The following SLC39A12 variants were observed in gnomAD, a reference collection of about 807,000 sequenced individuals.
The protein encoded by SLC39A12 is solute carrier family 39 member 12.
A neutral mutation model predicts 71.1 loss-of-function variants in SLC39A12; 63 were observed. The ratio of observed to expected loss-of-function variants is 0.89; its 90% confidence interval spans 0.72 to 1.09. The LOEUF is 1.09. Ranked by LOEUF, SLC39A12 falls within the 50% of genes least tolerant of loss-of-function variation. The pLI, the probability that SLC39A12 is intolerant of heterozygous loss-of-function variation, is 0.00. For synonymous variants in SLC39A12, 351 were observed against 301.3 expected (o/e 1.16, Z -1.71); for missense variants, 892 against 812.6 (o/e 1.10, Z -1.19).
At chr10:18,041,710 T>C (rs1837244996) in intron 12 of SLC39A12, among the ~76,000 whole-genome samples, 1 of 108,746 alleles carries the variant, frequency 9.2e-6, no homozygotes, top group Non-Finnish European at 1.8e-5. Flanking sequence ...TATATATGTA[T>C]ATACATATGT....
intron 12 of SLC39A12, chr10:18,005,642 G>A (rs1835993081): frequency 6.6e-6 from 1 of 152,176 alleles, no homozygotes; most frequent in Admixed American, 6.5e-5. Flanking sequence ...GACGGGGGAA[G>A]GTTATCAAGA....
chr10:18,042,891 C>A lies in SLC39A12; in HGVS notation c.*58C>A. The A allele has an allele frequency of 6.9e-7, 1 of 1,445,864 alleles. No individual in the cohort carries two copies. Among genetic ancestry groups the A allele is most frequent in the East Asian group, 2.4e-5 (1 of 41,406 alleles). 89.6% of individuals were successfully genotyped at this position (1,445,864 alleles called of 1,614,324 possible). On this transcript the variant is annotated 3_prime_UTR_variant, in exon 13 of 13. Transcript: ENST00000377369. ...TTATATAGTCTTACTTTGTTTCTTT[C>A]ATTGCACTCTATAATGATTTTTAAA...
At chr10:17,983,774 T>TC (rs1835332502) in intron 6 of SLC39A12, among the ~76,000 whole-genome samples, 1 of 152,028 alleles carries the variant, frequency 6.6e-6, no homozygotes, top group East Asian at 1.9e-4. Context: ...AGGGAGAGAC[T>TC]CCATCTCAAA....
chr10:17,969,161 T>A (rs1479499228), intron 4 of SLC39A12, among the ~76,000 whole-genome samples: 1 of 152,266 alleles, frequency 6.6e-6, no homozygotes, highest in African/African-American at 2.4e-5. Flanking sequence ...ATTGTGTATA[T>A]GTACCACATT....
intron 11 of SLC39A12, 121 bp downstream of exon 11, chr10:18,000,946 A>T: frequency 2.0e-6 from 2 of 985,964 alleles, no homozygotes; most frequent in Admixed American, 5.9e-5. Flanking sequence ...CTTTCCTTTT[A>T]TAATTTATTT....
At chr10:17,980,762 G>A (rs1389298471) in intron 5 of SLC39A12, among the ~76,000 whole-genome samples, 1 of 152,162 alleles carries the variant, frequency 6.6e-6, no homozygotes, top group Non-Finnish European at 1.5e-5. Context: ...CCAATTGAGA[G>A]AGGTAGCTAC....
chr10:17,975,322 G>A (rs1231195857), intron 4 of SLC39A12, among the ~76,000 whole-genome samples: 1 of 152,188 alleles, frequency 6.6e-6, no homozygotes, highest in African/African-American at 2.4e-5. Flanking sequence ...CAAGGACCTT[G>A]ACATAGTACT....
intron 12 of SLC39A12, among the ~76,000 whole-genome samples, chr10:18,022,649 C>T (rs1205287906): frequency 1.3e-5 from 2 of 152,148 alleles, no homozygotes; most frequent in African/African-American, 2.4e-5. Context: ...CCATTTCATT[C>T]TGGTTAACAT....
chr10:17,977,868 C>T, intron 4 of SLC39A12, 34 bp from the exon 5 acceptor site: 1 of 1,518,934 alleles, frequency 6.6e-7, no homozygotes, highest in Non-Finnish European at 8.8e-7. Flanking sequence ...CTTATCTATT[C>T]TATGTGACAC....
At position 17,973,977 on chromosome 10, in the gene SLC39A12, A is replaced by G. The variant is rs183739429; in HGVS notation, c.752-3925A>G. On this transcript the variant is annotated intron_variant, in intron 4 of 12. Transcript: ENST00000377369. ...TGCAAGCTTACTAATTTTTTCTTCCACTTGATCAGTTCTGCTATTAAGACT... is the reference window on the plus strand; with the variant it reads ...TGCAAGCTTACTAATTTTTTCTTCCGCTTGATCAGTTCTGCTATTAAGACT... Among the ~76,000 whole-genome samples, 14 of 148,484 alleles carry G rather than the reference A, an allele frequency of 9.4e-5. No homozygotes were observed. The East Asian group carries it at 2.8e-3, about 29-fold the overall frequency.
chr10:17,959,875 T>C (rs1834642962), intron 2 of SLC39A12, among the ~76,000 whole-genome samples: 1 of 152,188 alleles, frequency 6.6e-6, no homozygotes, highest in Non-Finnish European at 1.5e-5. Flanking sequence ...GAGGAAAGAC[T>C]TTTCCTCTAA....
chr10:17,986,664 A>G (rs1204116254), intron 6 of SLC39A12, among the ~76,000 whole-genome samples: 2 of 152,260 alleles, frequency 1.3e-5, no homozygotes, highest in Non-Finnish European at 2.9e-5. Flanking sequence ...AGACCATAGC[A>G]AATCTGTTCA....
chr10:17,986,986 C>G (rs746113148), intron 6 of SLC39A12, among the ~76,000 whole-genome samples: 1 of 152,150 alleles, frequency 6.6e-6, no homozygotes, highest in African/African-American at 2.4e-5. Flanking sequence ...GCTTGAGCAG[C>G]AGAGTGAGAA....
In SLC39A12 at chr10:17,991,181, G is replaced by A; in HGVS notation, c.1300G>A (p.Glu434Lys). Residue 434 changes from glutamate (E) to lysine (K), a missense_variant, in exon 8 of 13, where the codon GAA (glutamate) becomes AAA (lysine). Physicochemically the swap from Glu to Lys is moderately conservative, Grantham distance 56. Transcript: ENST00000377369. Reference sequence around the variant, plus strand: ...TGGTTTACATAAGCAGGAAGCCCCAGAATTTGGGCATTTCCATGAAAGCAA... The same window carrying A: ...TGGTTTACATAAGCAGGAAGCCCCAAAATTTGGGCATTTCCATGAAAGCAA... ...VLGLHKQEAP[E>K]FGHFHESKGH... 1 of 1,554,366 alleles carries A rather than the reference G, an allele frequency of 6.4e-7. No homozygotes were observed. Among genetic ancestry groups the A allele is most frequent in the Non-Finnish European group, 8.6e-7 (1 of 1,156,536 alleles).
chr10:17,965,716 T>C, intron 4 of SLC39A12, 26 bp downstream of exon 4: 1 of 1,574,060 alleles, frequency 6.4e-7, no homozygotes, highest in South Asian at 1.1e-5. Context: ...CGAATTTAAC[T>C]TCCAAGTCAC....
chr10:18,019,125 G>A (rs1836461022), intron 12 of SLC39A12, among the ~76,000 whole-genome samples: 1 of 152,062 alleles, frequency 6.6e-6, no homozygotes, highest in Non-Finnish European at 1.5e-5. Context: ...GGTTTTAGCT[G>A]ACTGTGTTTT....
intron 2 of SLC39A12, among the ~76,000 whole-genome samples, chr10:17,956,915 C>T (rs951641528): frequency 6.6e-6 from 1 of 152,160 alleles, no homozygotes. Flanking sequence ...AGAGCCAGTA[C>T]CTGCCATCGG....
chr10:17,993,498 G>A (rs2478571), intron 9 of SLC39A12, among the ~76,000 whole-genome samples: 36,589 of 152,192 alleles, frequency 0.24, 5,383 homozygotes, highest in Admixed American at 0.37. Flanking sequence ...ACAGATTCAC[G>A]TAATTGCTGT....
intron 12 of SLC39A12, among the ~76,000 whole-genome samples, chr10:18,032,575 T>A (rs968485404): frequency 4.1e-5 from 6 of 147,620 alleles, no homozygotes; most frequent in East Asian, 4.0e-4. Context: ...TTTCTAGATA[T>A]ACAATCATGT....
Sources: allele counts gnomAD v4.1 joint callset (sites outside exome capture counted in the v4.1 genomes callset), GRCh38; gene constraint gnomAD v4.1.1; transcripts MANE v1.5; gene names NCBI Gene and HGNC (gene_info 2026-07-23, HGNC 2026-07-21).